TMOD1: variants seen among roughly 807,000 people sequenced by gnomAD.
The protein encoded by TMOD1 is tropomodulin-1.
TMOD1 carries 17 observed loss-of-function variants against 40.6 expected under a neutral mutation model. The observed-to-expected ratio is 0.42, with a 90% confidence interval of 0.29 to 0.63. TMOD1 has a LOEUF of 0.63. Among genes scored for constraint, TMOD1 ranks in the 20% least tolerant of loss-of-function variants. TMOD1 has a pLI of 0.22. For missense variants in TMOD1, 391 were observed against 447.6 expected, an observed-to-expected ratio of 0.87 and a Z score of 1.14; for synonymous variants, 181 against 175.0, an observed-to-expected ratio of 1.03 and a Z score of -0.27.
At chr9:97,518,709 G>A (rs1829866916) in intron 1 of TMOD1, among the ~76,000 whole-genome samples, 1 of 152,194 alleles carries the variant, frequency 6.6e-6, no homozygotes, top group Admixed American at 6.5e-5. Flanking sequence ...AGGGTGCAGG[G>A]GAGTAGCGGG....
intron 8 of TMOD1, among the ~76,000 whole-genome samples, chr9:97,576,997 T>A (rs72751536): frequency 3.3e-5 from 5 of 152,308 alleles, no homozygotes; most frequent in Non-Finnish European, 7.4e-5. Context: ...TGAGGGAGAC[T>A]CTTTCCTTTT....
At chr9:97,532,366 C>CT (rs1830116016) in intron 2 of TMOD1, among the ~76,000 whole-genome samples, 1 of 152,042 alleles carries the variant, frequency 6.6e-6, no homozygotes, top group Non-Finnish European at 1.5e-5. Flanking sequence ...CCTGGAACCC[C>CT]TCACTTCCTC....
At chr9:97,516,699 A>C (rs1027296342) in intron 1 of TMOD1, 1 of 152,304 alleles carries the variant, frequency 6.6e-6, no homozygotes, top group Admixed American at 6.5e-5. Flanking sequence ...GACAGATCCA[A>C]GGATGTTAAA....
chr9:97,576,448 A>G (rs1563996165), intron 8 of TMOD1, among the ~76,000 whole-genome samples: 1 of 152,144 alleles, frequency 6.6e-6, no homozygotes, highest in Non-Finnish European at 1.5e-5. Flanking sequence ...AGTGAGACAC[A>G]GTCTCCAAAA....
At chr9:97,520,665 C>G (rs1829900634) in intron 1 of TMOD1, among the ~76,000 whole-genome samples, 1 of 152,170 alleles carries the variant, frequency 6.6e-6, no homozygotes, top group South Asian at 2.1e-4. Flanking sequence ...CTTTTTAAAT[C>G]CAGTGAAATA....
chr9:97,530,773 G>A (rs957574299), intron 2 of TMOD1, among the ~76,000 whole-genome samples: 2 of 136,754 alleles, frequency 1.5e-5, no homozygotes, highest in African/African-American at 5.6e-5. Context: ...ACAGGCGTGA[G>A]CCACCGGGCC....
rs1257669855 is a variant in TMOD1, at chr9:97,586,037, G to A, written c.871-5254G>A. 9.2e-5 allele frequency among the ~76,000 whole-genome samples: 14 copies of A among 151,860 alleles called. No homozygotes were observed. The South Asian group carries it at 1.9e-3, about 20-fold the overall frequency. ...GTCATTCTCCATCCAGCTTTGTTCC[G>A]TTGCTGGTGAGGAACTGCGTTCCTT... On this transcript the variant is annotated intron_variant, in intron 8 of 9. Coordinates refer to ENST00000259365, the MANE Select transcript of TMOD1 (RefSeq NM_003275.4).
At position 97,600,445 on chromosome 9, in the gene TMOD1, G is replaced by GTT; in HGVS notation, c.*748_*749dup. On this transcript the variant is annotated 3_prime_UTR_variant, in exon 10 of 10. Coordinates refer to ENST00000259365, the MANE Select transcript of TMOD1 (RefSeq NM_003275.4). ...GATTTATGTACAATTTAATACTGGA[G>GTT]TTAGAACTTTTTCCTTATTGAATGC... 2 of 985,620 alleles carry GTT rather than the reference G, an allele frequency of 2.0e-6. No homozygotes were observed. The highest frequency in any genetic ancestry group is 9.4e-5 in the South Asian group (2 of 21,300). 61.1% of individuals were successfully genotyped at this position (985,620 alleles called of 1,614,324 possible).
intron 1 of TMOD1, among the ~76,000 whole-genome samples, chr9:97,510,825 AG>A (rs1829684372): frequency 2.0e-5 from 3 of 152,146 alleles, no homozygotes; most frequent in South Asian, 4.1e-4. Flanking sequence ...GCTGGTGTGG[AG>A]GGAAATGAAA....
chr9:97,580,104 G>C (rs1387357117), intron 8 of TMOD1, among the ~76,000 whole-genome samples: 1 of 152,132 alleles, frequency 6.6e-6, no homozygotes, highest in Non-Finnish European at 1.5e-5. Flanking sequence ...GCTGTGTCCT[G>C]TTGGCTTAGT....
intron 4 of TMOD1, chr9:97,555,591 C>T (rs1449296352): frequency 6.5e-7 from 1 of 1,548,172 alleles, no homozygotes; most frequent in Non-Finnish European, 8.7e-7. Context: ...AAGTCTACAC[C>T]AGTGTTAACT....
chr9:97,575,873 C>T (rs1387176601), intron 8 of TMOD1, among the ~76,000 whole-genome samples: 1 of 152,212 alleles, frequency 6.6e-6, no homozygotes, highest in Non-Finnish European at 1.5e-5. Context: ...ACAGCTGTCA[C>T]ACACTGCTGA....
intron 5 of TMOD1, 113 bp from the exon 6 acceptor site, chr9:97,563,925 G>T: frequency 8.9e-5 from 105 of 1,181,406 alleles, no homozygotes; most frequent in Middle Eastern, 2.6e-4. Flanking sequence ...CCTGTGATGT[G>T]CAGCCCTCAC....
In TMOD1 at chr9:97,524,181, C is replaced by A. The variant is rs751921240; in HGVS notation, c.-8C>A. On this transcript the variant is annotated 5_prime_UTR_variant, in exon 2 of 10. Coordinates refer to ENST00000259365, the MANE Select transcript of TMOD1 (RefSeq NM_003275.4). ...GAAATTCAGGAGACACAGACAAGTT[C>A]TTCCACGATGTCGTACAGACGAGAA... 6.2e-7 allele frequency: 1 copy of A among 1,613,018 alleles called. No homozygotes were observed. The highest frequency in any genetic ancestry group is 1.1e-5 in the South Asian group (1 of 90,808).
chr9:97,559,839 C>A (rs372160061), intron 4 of TMOD1, among the ~76,000 whole-genome samples: 15,705 of 60,708 alleles, frequency 0.26, 1,993 homozygotes, highest in Middle Eastern at 0.38. Flanking sequence ...ATCTATCTAT[C>A]TATCTATCTA....
In TMOD1 at chr9:97,572,534, G is replaced by A. The variant is rs566585239; in HGVS notation, c.870+3497G>A. On this transcript the variant is annotated intron_variant, in intron 8 of 9. Coordinates refer to ENST00000259365, the MANE Select transcript of TMOD1 (RefSeq NM_003275.4). ...AGGCAGGTCTCAGGGAGGGGGCTCT[G>A]CTGACTCAGGCTCAGGAGGAGGCCA... 6.6e-5 allele frequency among the ~76,000 whole-genome samples: 10 copies of A among 152,272 alleles called. No homozygotes were observed. The South Asian group carries it at 1.7e-3, about 25-fold the overall frequency.
chr9:97,545,504 G>T (rs545095756), intron 2 of TMOD1, among the ~76,000 whole-genome samples: 1 of 152,298 alleles, frequency 6.6e-6, no homozygotes, highest in East Asian at 1.9e-4. Context: ...CCATCTCCAG[G>T]GGCGACGTTC....
At chr9:97,563,226 T>C (rs1371210416) in intron 5 of TMOD1, among the ~76,000 whole-genome samples, 3 of 152,106 alleles carry the variant, frequency 2.0e-5, no homozygotes, top group Admixed American at 1.3e-4. Context: ...GCTAATTTTG[T>C]TTATTTTGTA....
chr9:97,570,631 T>C (rs548481607), intron 8 of TMOD1, among the ~76,000 whole-genome samples: 1 of 152,234 alleles, frequency 6.6e-6, no homozygotes, highest in Non-Finnish European at 1.5e-5. Context: ...TCCTCTGGGC[T>C]CCCCTAGCAC....
Sources: gnomAD v4.1 joint callset for allele counts (sites outside exome capture counted in the v4.1 genomes callset) on GRCh38, gnomAD v4.1.1 for gene constraint, MANE v1.5 for transcripts, NCBI Gene and HGNC (gene_info 2026-07-23, HGNC 2026-07-21) for gene names.